VRK3: variants seen among roughly 807,000 people sequenced by gnomAD.
The protein encoded by VRK3 is serine/threonine-protein kinase VRK3.
Under a neutral mutation model 60.4 loss-of-function variants are expected in VRK3, and 50 were observed. That is an observed-to-expected ratio of 0.83 (90% CI 0.66 to 1.05). VRK3 has a LOEUF of 1.05. Ranked by LOEUF, VRK3 falls within the 50% of genes least tolerant of loss-of-function variation. VRK3 has a pLI of 0.00. For synonymous variants in VRK3, 246 were observed against 227.8 expected, an observed-to-expected ratio of 1.08 and a Z score of -0.72; for missense variants, 549 against 585.3, an observed-to-expected ratio of 0.94 and a Z score of 0.64.
intron 2 of VRK3, among the ~76,000 whole-genome samples, chr19:50,016,780 G>A (rs985801820): frequency 6.6e-6 from 1 of 152,202 alleles, no homozygotes; most frequent in Non-Finnish European, 1.5e-5. Flanking sequence ...GACAAATGAG[G>A]ATATAGAAGA....
chr19:50,013,943 T>C (rs772375556), intron 3 of VRK3, among the ~76,000 whole-genome samples: 1 of 152,008 alleles, frequency 6.6e-6, no homozygotes, highest in East Asian at 1.9e-4. Flanking sequence ...GTAGGGAAAG[T>C]GTCTCTGAGA....
intron 7 of VRK3, among the ~76,000 whole-genome samples, chr19:49,996,721 A>T (rs544686213): frequency 6.6e-6 from 1 of 152,118 alleles, no homozygotes; most frequent in Admixed American, 6.5e-5. Flanking sequence ...GGTTCGAGTG[A>T]TTCTCCCACC....
At position 49,994,864 on chromosome 19, in the gene VRK3, G is replaced by A; in HGVS notation, c.820C>T (p.Pro274Ser). The change falls in exon 9 of 15, where the codon CCA (proline) becomes TCA (serine). Residue 274 changes from proline (P) to serine (S), a missense_variant. Physicochemically the swap from Pro to Ser is moderately conservative, Grantham distance 74. Coordinates refer to ENST00000316763, the MANE Select transcript of VRK3 (RefSeq NM_016440.4). ...GACCTCTCTGACAGCACATGCTTTG[G>A]GCTGACATCCAGGGCCGACTGAAGG... ...RSLQSALDVS[P>S]KHVLSERSVL... 2 of 1,614,172 alleles carry A rather than the reference G, an allele frequency of 1.2e-6. No homozygotes were observed. The highest frequency in any genetic ancestry group is 2.2e-5 in the East Asian group (1 of 44,892).
At chr19:50,003,487 C>T (rs1251929010) in intron 5 of VRK3, among the ~76,000 whole-genome samples, 3 of 152,184 alleles carry the variant, frequency 2.0e-5, no homozygotes, top group South Asian at 4.1e-4. Context: ...AGTGAGCAGC[C>T]GCACGGATTC....
intron 3 of VRK3, among the ~76,000 whole-genome samples, chr19:50,011,275 A>T (rs1271584286): frequency 6.6e-6 from 1 of 152,000 alleles, no homozygotes; most frequent in Non-Finnish European, 1.5e-5. Flanking sequence ...CTTTCCTACC[A>T]CTTAGCTCTA....
intron 11 of VRK3, 79 bp from the exon 12 acceptor site, chr19:49,988,571 T>C (rs988539724): frequency 5.9e-5 from 91 of 1,533,984 alleles, no homozygotes; most frequent in Admixed American, 3.0e-4. Context: ...TTCCTTCCCC[T>C]CTCTCTCACT....
At chr19:49,996,454 C>T (rs117493655) in intron 7 of VRK3, among the ~76,000 whole-genome samples, 2,749 of 152,216 alleles carry the variant, frequency 0.018, 43 homozygotes, top group Middle Eastern at 0.051. Flanking sequence ...GAGAGATATA[C>T]AGGGGAGGCC....
chr19:49,986,708 G>A (rs2076522508), intron 12 of VRK3: 1 of 152,222 alleles, frequency 6.6e-6, no homozygotes, highest in Non-Finnish European at 1.5e-5. Context: ...AGGGAAACAT[G>A]AGGGACTCAA....
At chr19:49,984,415 T>C (rs1430922019) in intron 12 of VRK3, among the ~76,000 whole-genome samples, 1 of 152,150 alleles carries the variant, frequency 6.6e-6, no homozygotes, top group Non-Finnish European at 1.5e-5. Context: ...GGTGAGGGTT[T>C]CCAGGAGCCG....
At chr19:49,986,538 A>G (rs1005847692) in intron 12 of VRK3, 4 of 152,910 alleles carry the variant, frequency 2.6e-5, no homozygotes, top group Non-Finnish European at 4.4e-5. Context: ...TGAGGGTACA[A>G]ATACATCTAA....
chr19:50,008,291 A>C (rs922750853), intron 4 of VRK3, among the ~76,000 whole-genome samples: 2 of 152,168 alleles, frequency 1.3e-5, no homozygotes, highest in Admixed American at 6.5e-5. Context: ...AGGGCCAAAA[A>C]ATTTGTTAGA....
At chr19:50,018,665 G>A (rs2077114451) in intron 2 of VRK3, among the ~76,000 whole-genome samples, 1 of 152,200 alleles carries the variant, frequency 6.6e-6, no homozygotes, top group South Asian at 2.1e-4. Flanking sequence ...CTAACTTAGT[G>A]ATTTGTTGTC....
At chr19:50,022,388 T>C (rs1042981878) in intron 1 of VRK3, among the ~76,000 whole-genome samples, 4 of 152,280 alleles carry the variant, frequency 2.6e-5, no homozygotes, top group South Asian at 2.1e-4. Flanking sequence ...GCCTCCTAAC[T>C]AGACTTTCGG....
At chr19:50,014,586 A>G (rs2077044567) in intron 3 of VRK3, among the ~76,000 whole-genome samples, 1 of 150,488 alleles carries the variant, frequency 6.6e-6, no homozygotes, top group Non-Finnish European at 1.5e-5. Flanking sequence ...CAAAAACAAA[A>G]ACAACTAAAA....
intron 10 of VRK3, among the ~76,000 whole-genome samples, chr19:49,992,634 A>G (rs1378345022): frequency 1.3e-5 from 2 of 152,196 alleles, no homozygotes; most frequent in African/African-American, 4.8e-5. Flanking sequence ...ATATCTTTTC[A>G]TATTATTTAG....
At chr19:50,014,008 T>G (rs2077036173) in intron 3 of VRK3, among the ~76,000 whole-genome samples, 1 of 152,200 alleles carries the variant, frequency 6.6e-6, no homozygotes, top group Admixed American at 6.5e-5. Context: ...GGCTCATGAC[T>G]GTAATCCCAA....
chr19:49,998,675 T>G (rs1428388026), intron 6 of VRK3: 1 of 152,016 alleles, frequency 6.6e-6, no homozygotes, highest in Admixed American at 6.6e-5. Flanking sequence ...CAAAGCAACC[T>G]GCGTGCTGGG....
At position 50,007,672 on chromosome 19, in the gene VRK3, T is replaced by C; in HGVS notation, c.444A>G (p.Ser148=). The change falls in exon 5 of 15, where the codon TCA becomes TCG. Residue 148 remains serine (S), a synonymous_variant. Transcript: ENST00000316763. ...CTGTCCCTGTGGGCAAAGCTTCAAG[T>C]GAGGTGGTCACTCGGCTCCGCTTCA... ...QTLKRSRVTT[S]LEALPTGTVL... 2 of 1,614,134 alleles carry C rather than the reference T, an allele frequency of 1.2e-6. No homozygotes were observed. The highest frequency in any genetic ancestry group is 1.7e-6 in the Non-Finnish European group (2 of 1,180,018).
chr19:49,979,261 C>A lies in VRK3; in HGVS notation c.1277-19G>T. The stretch of plus-strand genomic sequence containing the variant: ...AGGGTCTCTGTGGTCAAGACAACCC[C>A]CAGCAAGGGAGAGCCTGAGAGGCAT... On this transcript the variant is annotated intron_variant, in intron 13 of 14. Coordinates refer to ENST00000316763, the MANE Select transcript of VRK3 (RefSeq NM_016440.4). The A allele has an allele frequency of 1.9e-6, 3 of 1,614,018 alleles. No homozygotes were observed. The highest frequency in any genetic ancestry group is 2.5e-6 in the Non-Finnish European group (3 of 1,179,988).
Sources: gnomAD v4.1 joint callset for allele counts (sites outside exome capture counted in the v4.1 genomes callset) on GRCh38, gnomAD v4.1.1 for gene constraint, MANE v1.5 for transcripts, NCBI Gene and HGNC (gene_info 2026-07-23, HGNC 2026-07-21) for gene names.